Variants in HS2ST1 observed in about 807,000 individuals in gnomAD.
HS2ST1 encodes the protein heparan sulfate 2-O-sulfotransferase 1, also known as 2-O-sulfotransferase.
A neutral mutation model predicts 42.9 loss-of-function variants in HS2ST1; 18 were observed. The ratio of observed to expected loss-of-function variants is 0.42; its 90% CI spans 0.29 to 0.62. The LOEUF (loss-of-function observed/expected upper bound fraction) is 0.62. Among genes scored for constraint, HS2ST1 ranks in the 20% least tolerant of loss-of-function variants. The pLI is 0.21. For missense variants in HS2ST1, 334 were observed against 433.8 expected, an observed-to-expected ratio of 0.77 and a Z score of 2.04; for synonymous variants, 146 against 152.9, an observed-to-expected ratio of 0.95 and a Z score of 0.33.
At chr1:87,015,098 G>A (rs1649711812) in intron 1 of HS2ST1, among the ~76,000 whole-genome samples, 1 of 152,134 alleles carries the variant, frequency 6.6e-6, no homozygotes, top group African/African-American at 2.4e-5. Flanking sequence ...CACCAAGCTG[G>A]AGTGCAGTGG....
chr1:87,034,245 C>A (rs1156837374), intron 1 of HS2ST1, among the ~76,000 whole-genome samples: 1 of 152,132 alleles, frequency 6.6e-6, no homozygotes, highest in East Asian at 1.9e-4. Flanking sequence ...AATGTAAATT[C>A]TTTTACATTG....
chr1:87,033,649 T>C (rs1650295858), intron 1 of HS2ST1, among the ~76,000 whole-genome samples: 1 of 152,150 alleles, frequency 6.6e-6, no homozygotes. Context: ...GTTCAAGCAA[T>C]TCTCCTGCTT....
intron 1 of HS2ST1, among the ~76,000 whole-genome samples, chr1:87,016,886 CT>C (rs1649775295): frequency 6.6e-6 from 1 of 151,208 alleles, no homozygotes; most frequent in Non-Finnish European, 1.5e-5. Flanking sequence ...CAGGTTTTCA[CT>C]TTCTTTTTGG....
chr1:87,003,594 C>A (rs374965087), intron 1 of HS2ST1, among the ~76,000 whole-genome samples: 7 of 152,092 alleles, frequency 4.6e-5, no homozygotes, highest in African/African-American at 1.7e-4. Flanking sequence ...TCTTTATAGA[C>A]CCTGTCAAAT....
intron 1 of HS2ST1, among the ~76,000 whole-genome samples, chr1:86,930,512 C>G (rs1660521422): frequency 6.6e-6 from 1 of 151,758 alleles, no homozygotes; most frequent in South Asian, 2.1e-4. Context: ...ATTTTGTTTC[C>G]AAAAACTTAA....
chr1:87,099,570 G>A (rs1652151617), intron 5 of HS2ST1, among the ~76,000 whole-genome samples: 1 of 152,170 alleles, frequency 6.6e-6, no homozygotes, highest in Non-Finnish European at 1.5e-5. Flanking sequence ...ATTTCAACAT[G>A]AGATTTGGAG....
Position 87,052,178 on chromosome 1 carries a change from G to T in HS2ST1, c.125-20756G>T, listed in dbSNP as rs1376398650. ...TGAGGTGAGAGGATCACTTGAGCCT[G>T]GGAGGTCGAGGCTGCAGTGAGCCCT... is the stretch of plus-strand genomic sequence containing the variant. On this transcript the variant is annotated intron_variant, in intron 1 of 6. Coordinates refer to ENST00000370550, the MANE Select transcript of HS2ST1 (RefSeq NM_012262.4). Among the ~76,000 whole-genome samples, 2 of 152,164 alleles carry T rather than the reference G, an allele frequency of 1.3e-5. 1 individual carries two copies. Among genetic ancestry groups the T allele is most frequent in the Middle Eastern group, 6.3e-3 (2 of 316 alleles).
At chr1:87,022,094 G>A (rs1277292476) in intron 1 of HS2ST1, among the ~76,000 whole-genome samples, 3 of 152,116 alleles carry the variant, frequency 2.0e-5, no homozygotes, top group Non-Finnish European at 4.4e-5. Context: ...AATGGGTGAA[G>A]TCAGCAGGTC....
intron 1 of HS2ST1, among the ~76,000 whole-genome samples, chr1:87,030,394 A>G (rs1327169454): frequency 1.3e-5 from 2 of 152,090 alleles, no homozygotes; most frequent in Non-Finnish European, 2.9e-5. Flanking sequence ...GATACTTGGG[A>G]GGCTGAAGCA....
chr1:87,016,382 C>A (rs766676659), intron 1 of HS2ST1, among the ~76,000 whole-genome samples: 12 of 152,102 alleles, frequency 7.9e-5, no homozygotes, highest in Non-Finnish European at 1.3e-4. Context: ...TAGTCTAATG[C>A]AGTTTTTTTC....
chr1:86,981,881 T>C (rs1340009512), intron 1 of HS2ST1, among the ~76,000 whole-genome samples: 1 of 152,228 alleles, frequency 6.6e-6, no homozygotes, highest in Non-Finnish European at 1.5e-5. Context: ...GGACTCTCTG[T>C]TGGGGCTCCA....
intron 1 of HS2ST1, among the ~76,000 whole-genome samples, chr1:86,970,543 G>C (rs1252333743): frequency 6.6e-6 from 1 of 152,118 alleles, no homozygotes; most frequent in Non-Finnish European, 1.5e-5. Flanking sequence ...TGGGACTACA[G>C]GCGTGCACCA....
chr1:87,103,661 T>A, intron 6 of HS2ST1, 72 bp downstream of exon 6: 1 of 1,264,894 alleles, frequency 7.9e-7, no homozygotes, highest in Non-Finnish European at 1.1e-6. Flanking sequence ...TGTAAATATG[T>A]GATTTGAAGT....
At chr1:86,979,745 A>G (rs1648523559) in intron 1 of HS2ST1, among the ~76,000 whole-genome samples, 1 of 152,332 alleles carries the variant, frequency 6.6e-6, no homozygotes, top group East Asian at 1.9e-4. Context: ...GCTCAGTCAT[A>G]CGGTAATTCT....
intron 1 of HS2ST1, among the ~76,000 whole-genome samples, chr1:86,939,281 GT>G (rs1409667535): frequency 6.6e-6 from 1 of 152,106 alleles, no homozygotes; most frequent in African/African-American, 2.4e-5. Flanking sequence ...ACAATAATCA[GT>G]TGTAAAAAGG....
intron 3 of HS2ST1, among the ~76,000 whole-genome samples, chr1:87,092,173 T>G (rs764442032): frequency 1.6e-4 from 24 of 152,084 alleles, no homozygotes; most frequent in Non-Finnish European, 3.2e-4. Flanking sequence ...CCTAGTAATA[T>G]GTGGGTACTA....
chr1:86,970,729 A>G (rs1648207689), intron 1 of HS2ST1, among the ~76,000 whole-genome samples: 1 of 152,158 alleles, frequency 6.6e-6, no homozygotes, highest in African/African-American at 2.4e-5. Context: ...TGATGGCATG[A>G]GTGAATGTCC....
chr1:86,985,508 A>G (rs1303254970), intron 1 of HS2ST1, among the ~76,000 whole-genome samples: 1 of 62,588 alleles, frequency 1.6e-5, no homozygotes, highest in South Asian at 7.4e-4. Context: ...ACATATATAC[A>G]CATATATATA....
Position 87,052,112 on chromosome 1 carries a change from G to T in HS2ST1, c.125-20822G>T, listed in dbSNP as rs562748172. On this transcript the variant is annotated intron_variant, in intron 1 of 6. Coordinates refer to ENST00000370550, the MANE Select transcript of HS2ST1 (RefSeq NM_012262.4). Reference sequence around the variant, plus strand: ...TACAAAAAATACAAAAATTAGCCAGGCATGATAGCGCACACCTGTAGTCCC... The same window carrying T: ...TACAAAAAATACAAAAATTAGCCAGTCATGATAGCGCACACCTGTAGTCCC... Among the ~76,000 whole-genome samples the T allele has an allele frequency of 4.6e-5, 7 of 152,194 alleles. No individual in the cohort carries two copies. In the East Asian group the frequency reaches 1.4e-3, roughly 29 times the overall value.
Sources: gnomAD v4.1 joint callset for allele counts (sites outside exome capture counted in the v4.1 genomes callset) on GRCh38, gnomAD v4.1.1 for gene constraint, MANE v1.5 for transcripts, NCBI Gene and HGNC (gene_info 2026-07-23, HGNC 2026-07-21) for gene names.